ZAP70: variants seen among roughly 807,000 people sequenced by gnomAD.
The protein encoded by ZAP70 is tyrosine-protein kinase ZAP-70.
In ZAP70, 27 loss-of-function variants were observed where a neutral mutation model predicts 65.8. The ratio of observed to expected loss-of-function variants is 0.41; its 90% CI spans 0.30 to 0.57. The LOEUF (loss-of-function observed/expected upper bound fraction) is 0.57. Among genes scored for constraint, ZAP70 ranks in the 20% least tolerant of loss-of-function variants. ZAP70 has a pLI of 0.28. For missense variants in ZAP70, 696 were observed against 870.5 expected (o/e 0.80, Z 2.52); for synonymous variants, 363 against 360.8 (o/e 1.01, Z -0.07).
At position 97,715,287 on chromosome 2, in the gene ZAP70, G is replaced by A. The variant is rs1458639581; in HGVS notation, c.-22+1293G>A. ...AGTGCCTGGAGACAGTTTGGGTTGTGACCCAGCGGGTGTTACTGGCATCCA... is the reference window on the plus strand; with the variant it reads ...AGTGCCTGGAGACAGTTTGGGTTGTAACCCAGCGGGTGTTACTGGCATCCA... On this transcript the variant is annotated intron_variant, in intron 2 of 13. Transcript: ENST00000264972. The surrounding 1 kb of genome is among the most constrained non-coding windows in gnomAD (Gnocchi z 4.1). Among the ~76,000 whole-genome samples the A allele has an allele frequency of 1.3e-5, 2 of 152,190 alleles. No homozygotes were observed. Among genetic ancestry groups the A allele is most frequent in the African/African-American group, 4.8e-5 (2 of 41,434 alleles).
rs186367633 is a variant in ZAP70, at chr2:97,733,810, T to G, written c.889+215T>G. On this transcript the variant is annotated intron_variant, in intron 8 of 13. Coordinates refer to ENST00000264972, the MANE Select transcript of ZAP70 (RefSeq NM_001079.4). ...GTGTACTGACGTGCAGGGAGCACAC[T>G]TGGCCTTGCCTGAGGCTCCCCAGAC... is the stretch of plus-strand genomic sequence containing the variant. 1.8e-4 allele frequency: 116 copies of G among 631,558 alleles called. 1 individual carries two copies. The African/African-American group carries it at 1.9e-3, about 10-fold the overall frequency. 39.1% of individuals were successfully genotyped at this position (631,558 alleles called of 1,614,324 possible).
At chr2:97,741,161 C>T (rs1259481072), downstream of ZAP70, among the ~76,000 whole-genome samples, 3 of 152,276 alleles carry the variant, frequency 2.0e-5, no homozygotes, top group South Asian at 4.1e-4. Context: ...AAGCAAGGAG[C>T]CAGCAAGTCT....
At position 97,736,160 on chromosome 2, in the gene ZAP70, G is replaced by A. The variant is rs73963109; in HGVS notation, c.1289+704G>A. On this transcript the variant is annotated intron_variant, in intron 10 of 13. Transcript: ENST00000264972. The surrounding 1 kb of genome is among the most constrained non-coding windows in gnomAD (Gnocchi z 4.0). ...AACCTGCCCTTTGTTTACGTGCTGCGTGGTTTTCTATTTTTAATTTTTTTT... is the reference window on the plus strand; with the variant it reads ...AACCTGCCCTTTGTTTACGTGCTGCATGGTTTTCTATTTTTAATTTTTTTT... Among the ~76,000 whole-genome samples, 17,770 of 152,042 alleles carry A rather than the reference G, an allele frequency of 0.12. 1,172 individuals are homozygous for A. The highest frequency in any genetic ancestry group is 0.17 in the African/African-American group (6,906 of 41,454).
intron 2 of ZAP70, among the ~76,000 whole-genome samples, chr2:97,717,962 T>C (rs963065700): frequency 1.3e-5 from 2 of 152,190 alleles, no homozygotes; most frequent in Non-Finnish European, 2.9e-5. Context: ...GTGGCTGCTC[T>C]GCTGTGATCT....
intron 2 of ZAP70, among the ~76,000 whole-genome samples, chr2:97,714,696 C>T (rs908455538): frequency 6.6e-6 from 1 of 152,208 alleles, no homozygotes; most frequent in East Asian, 1.9e-4. Context: ...ATTCATTACT[C>T]TCGTCTTGGT....
intron 4 of ZAP70, among the ~76,000 whole-genome samples, chr2:97,726,465 T>G (rs1237424369): frequency 6.6e-6 from 1 of 152,252 alleles, no homozygotes; most frequent in Non-Finnish European, 1.5e-5. Flanking sequence ...GGGCCTTCCT[T>G]CTCGTGAGTG....
intron 2 of ZAP70, among the ~76,000 whole-genome samples, chr2:97,720,843 C>A (rs1224103988): frequency 2.0e-5 from 3 of 152,170 alleles, no homozygotes; most frequent in African/African-American, 2.4e-5. Flanking sequence ...CAGATCCTGG[C>A]CCCTCCTCTA....
intron 9 of ZAP70, 32 bp downstream of exon 9, chr2:97,734,744 G>T: frequency 1.2e-6 from 2 of 1,610,208 alleles, no homozygotes; most frequent in African/African-American, 1.3e-5. Context: ...TGGGAGCACC[G>T]CCGCCTGGGG....
chr2:97,728,456 C>T (rs1024462571), intron 4 of ZAP70, among the ~76,000 whole-genome samples: 3 of 152,222 alleles, frequency 2.0e-5, no homozygotes, highest in Non-Finnish European at 4.4e-5. Context: ...AGGCAAGGTA[C>T]GCTTTGGACA....
chr2:97,718,266 G>C (rs1677022327), intron 2 of ZAP70, among the ~76,000 whole-genome samples: 2 of 152,136 alleles, frequency 1.3e-5, no homozygotes, highest in African/African-American at 4.8e-5. Context: ...CCCCTGCCTG[G>C]GGTCTGGGGT....
intron 2 of ZAP70, among the ~76,000 whole-genome samples, chr2:97,719,194 GGTTGGTTGTATTAATGGAAACA>G: frequency 6.6e-6 from 1 of 152,134 alleles, no homozygotes; most frequent in South Asian, 2.1e-4. Context: ...CTGGATCTTA[GGTTGGTTGTATTAATGGAAACA>G]GTTGGTGGAG....
chr2:97,748,997 C>CACTT, the ZAP70 span, among the ~76,000 whole-genome samples: 7 of 148,438 alleles, frequency 4.7e-5, no homozygotes, highest in African/African-American at 1.7e-4. Flanking sequence ...GTGGATGTGA[C>CACTT]ACTTCCCTTT....
At chr2:97,720,710 C>G (rs548641353) in intron 2 of ZAP70, among the ~76,000 whole-genome samples, 1 of 152,304 alleles carries the variant, frequency 6.6e-6, no homozygotes, top group East Asian at 1.9e-4. Flanking sequence ...CCAGGTGGAG[C>G]CACAAATGCA....
At position 97,717,898 on chromosome 2, in the gene ZAP70, C is replaced by G. The variant is rs1207551935; in HGVS notation, c.-22+3904C>G. On this transcript the variant is annotated intron_variant, in intron 2 of 13. Coordinates refer to ENST00000264972, the MANE Select transcript of ZAP70 (RefSeq NM_001079.4). The stretch of plus-strand genomic sequence containing the variant: ...AGGTCCTTCTGACCAGGCTCCAAGG[C>G]TTCCTCCCATCATCCTCCCAGGGCC... 1.3e-5 allele frequency among the ~76,000 whole-genome samples: 2 copies of G among 152,186 alleles called. 1 individual carries two copies. The highest frequency in any genetic ancestry group is 4.1e-4 in the South Asian group (2 of 4,832).
rs528405495 is a variant in ZAP70, at chr2:97,719,558, G to T, written c.-21-4458G>T. Among the ~76,000 whole-genome samples the T allele has an allele frequency of 9.3e-5, 14 of 151,170 alleles. No individual in the cohort carries two copies. The South Asian group carries it at 2.3e-3, about 25-fold the overall frequency. On this transcript the variant is annotated intron_variant, in intron 2 of 13. Transcript: ENST00000264972. Reference sequence around the variant, plus strand: ...ATCAGTGCTGGAGAACAGCCTGGGGGGGGGGCGCAGACCAGGTCTGGCTGA... The same window carrying T: ...ATCAGTGCTGGAGAACAGCCTGGGGTGGGGGCGCAGACCAGGTCTGGCTGA...
the ZAP70 span, among the ~76,000 whole-genome samples, chr2:97,752,218 A>G: frequency 2.5e-4 from 38 of 152,358 alleles, no homozygotes; most frequent in African/African-American, 9.1e-4. Flanking sequence ...CAAGCTCTCC[A>G]GTTCCTGCTC....
In ZAP70 at chr2:97,724,148, CAGTGCCTGCGCTCGCTGGGCGGCTA is replaced by C. The variant is rs760664087; in HGVS notation, c.113_137del (p.Gln38LeufsTer123). On this transcript the variant is annotated frameshift_variant, in exon 3 of 14. Coordinates refer to ENST00000264972, the MANE Select transcript of ZAP70 (RefSeq NM_001079.4). LOFTEE classifies it high-confidence loss of function. Reference sequence around the variant, plus strand: ...GGCGGACGGGCTCTTCCTGCTGCGCCAGTGCCTGCGCTCGCTGGGCGGCTATGTGCTGTCGCTCGTGCACGATGTG... The same window carrying C: ...GGCGGACGGGCTCTTCCTGCTGCGCCTGTGCTGTCGCTCGTGCACGATGTG... 1 of 1,576,910 alleles carries C rather than the reference CAGTGCCTGCGCTCGCTGGGCGGCTA, an allele frequency of 6.3e-7. No individual in the cohort carries two copies. The highest frequency in any genetic ancestry group is 8.6e-7 in the Non-Finnish European group (1 of 1,163,058).
chr2:97,728,778 A>G (rs1284528910), intron 4 of ZAP70, among the ~76,000 whole-genome samples: 1 of 152,162 alleles, frequency 6.6e-6, no homozygotes, highest in Non-Finnish European at 1.5e-5. Context: ...TTTGAGACAG[A>G]GTCTTGCTCT....
At chr2:97,755,660 T>TAAGC in the ZAP70 span, among the ~76,000 whole-genome samples, 7 of 152,324 alleles carry the variant, frequency 4.6e-5, no homozygotes, top group East Asian at 1.3e-3. Context: ...TTGCTGCTGG[T>TAAGC]AAGCTCCCAC....
Sources: gnomAD v4.1 joint callset for allele counts (sites outside exome capture counted in the v4.1 genomes callset) on GRCh38, gnomAD v4.1.1 for gene constraint, Gnocchi (gnomAD v3.1) non-coding constraint, MANE v1.5 for transcripts, NCBI Gene and HGNC (gene_info 2026-07-23, HGNC 2026-07-21) for gene names.